Variants in CACNA1E observed in about 807,000 individuals in gnomAD.
The protein encoded by CACNA1E is voltage-dependent R-type calcium channel subunit alpha-1E.
A neutral mutation model predicts 259.2 loss-of-function variants in CACNA1E; 40 were observed. The ratio of observed to expected loss-of-function variants is 0.15; its 90% CI spans 0.12 to 0.20. CACNA1E has a LOEUF of 0.20. Among genes scored for constraint, CACNA1E ranks in the 10% least tolerant of loss-of-function variants. The pLI is 1.00. For synonymous variants in CACNA1E, 1,104 were observed against 1,138.5 expected (o/e 0.97, Z 0.61); for missense variants, 1,874 against 3,040.1 (o/e 0.62, Z 9.02).
chr1:181,796,536 G>C (rs1159747824), intron 46 of CACNA1E, 132 bp from the exon 47 acceptor site: 4 of 582,816 alleles, frequency 6.9e-6, no homozygotes, highest in Non-Finnish European at 1.2e-5. Flanking sequence ...GAATTTGGGG[G>C]GGGACACAAA....
At chr1:181,319,920 C>T (rs571345758) in intron 1 of CACNA1E, among the ~76,000 whole-genome samples, 1 of 152,348 alleles carries the variant, frequency 6.6e-6, no homozygotes, top group South Asian at 2.1e-4. Context: ...TTGATGAACA[C>T]CTTTTTCTCC....
chr1:181,789,678 C>A (rs976242022), intron 43 of CACNA1E, among the ~76,000 whole-genome samples: 1 of 152,218 alleles, frequency 6.6e-6, no homozygotes, highest in African/African-American at 2.4e-5. Flanking sequence ...CTGCTTCTTT[C>A]TCTCCTAACA....
intron 2 of CACNA1E, among the ~76,000 whole-genome samples, chr1:181,424,593 C>A (rs1267811906): frequency 6.6e-6 from 1 of 152,224 alleles, no homozygotes; most frequent in African/African-American, 2.4e-5. Context: ...AAGTGCCTGG[C>A]GACTCTCATC....
Position 181,756,100 on chromosome 1 carries a change from G to A in CACNA1E, c.4127+7G>A. The A allele has an allele frequency of 6.2e-7, 1 of 1,608,766 alleles. No individual in the cohort carries two copies. The highest frequency in any genetic ancestry group is 8.5e-7 in the Non-Finnish European group (1 of 1,176,742). On this transcript the variant is annotated splice_region_variant and intron_variant, in intron 29 of 47. Transcript: ENST00000367573. ...CAGGGGAAGGATGGCCTCAGTGAGT[G>A]ATTGAGTTGTCATGCTTGTCTGTGG...
At chr1:181,606,449 G>C (rs1019356014) in intron 6 of CACNA1E, among the ~76,000 whole-genome samples, 77 of 152,040 alleles carry the variant, frequency 5.1e-4, no homozygotes, top group Non-Finnish European at 9.1e-4. Context: ...TATATCCCCG[G>C]CTGCGCCCAG....
At chr1:181,360,565 G>A (rs1049668996) in intron 1 of CACNA1E, among the ~76,000 whole-genome samples, 1 of 152,190 alleles carries the variant, frequency 6.6e-6, no homozygotes, top group Non-Finnish European at 1.5e-5. Flanking sequence ...CCAGAGACTA[G>A]GGGTGGGGGA....
intron 1 of CACNA1E, among the ~76,000 whole-genome samples, chr1:181,323,700 C>A (rs1281452386): frequency 6.6e-6 from 1 of 152,218 alleles, no homozygotes; most frequent in African/African-American, 2.4e-5. Context: ...AATTGAGTTA[C>A]TCTTGACTTA....
At chr1:181,468,110 C>T (rs1461384297) in intron 2 of CACNA1E, among the ~76,000 whole-genome samples, 1 of 152,198 alleles carries the variant, frequency 6.6e-6, no homozygotes, top group Non-Finnish European at 1.5e-5. Flanking sequence ...TATTACCCAT[C>T]TGTCTAACAG....
intron 2 of CACNA1E, among the ~76,000 whole-genome samples, chr1:181,416,975 C>T (rs573764232): frequency 8.4e-4 from 127 of 151,950 alleles, no homozygotes; most frequent in Non-Finnish European, 1.4e-3. Flanking sequence ...GGTTCCTTAG[C>T]CCCTTCTGTT....
At chr1:181,341,973 C>G (rs1454032085) in intron 1 of CACNA1E, among the ~76,000 whole-genome samples, 1 of 152,174 alleles carries the variant, frequency 6.6e-6, no homozygotes, top group Non-Finnish European at 1.5e-5. Context: ...ACGCTTCCCA[C>G]AGTGACAAGT....
At chr1:181,343,708 G>T (rs1652357023) in intron 1 of CACNA1E, among the ~76,000 whole-genome samples, 1 of 152,212 alleles carries the variant, frequency 6.6e-6, no homozygotes, top group South Asian at 2.1e-4. Flanking sequence ...CTTTCTGACT[G>T]GCTAGTTGGC....
chr1:181,534,248 C>T (rs931273570), intron 3 of CACNA1E, among the ~76,000 whole-genome samples: 1 of 152,160 alleles, frequency 6.6e-6, no homozygotes, highest in East Asian at 1.9e-4. Context: ...ATATTTTCAT[C>T]TAATTCATAA....
intron 3 of CACNA1E, among the ~76,000 whole-genome samples, chr1:181,512,490 G>A: frequency 6.6e-6 from 1 of 152,218 alleles, no homozygotes; most frequent in Non-Finnish European, 1.5e-5. Context: ...TGACCAACAG[G>A]AAAGGAGAGA....
At chr1:181,477,084 T>C (rs993098999) in intron 2 of CACNA1E, among the ~76,000 whole-genome samples, 1 of 152,188 alleles carries the variant, frequency 6.6e-6, no homozygotes, top group Non-Finnish European at 1.5e-5. Flanking sequence ...TTCGTGATCC[T>C]AGATACATTG....
rs772462098 is a variant in CACNA1E, at chr1:181,750,495, TGTTC to T, written c.3731+10_3731+13del. 8 of 1,612,444 alleles carry T rather than the reference TGTTC, an allele frequency of 5.0e-6. No individual in the cohort carries two copies. The highest frequency in any genetic ancestry group is 5.1e-6 in the Non-Finnish European group (6 of 1,178,728). Reference sequence around the variant, plus strand: ...CCATAGGAACGCTTTGGGGTAAATATGTTCGATTATCTTTGAAGTAAACGATACA... The same window carrying T: ...CCATAGGAACGCTTTGGGGTAAATATGATTATCTTTGAAGTAAACGATACA... On this transcript the variant is annotated intron_variant, in intron 26 of 47. Coordinates refer to ENST00000367573, the MANE Select transcript of CACNA1E (RefSeq NM_001205293.3).
Position 181,758,603 on chromosome 1 carries a change from C to T in CACNA1E, c.4495-155C>T, listed in dbSNP as rs948657735. Among the ~76,000 whole-genome samples the T allele has an allele frequency of 6.6e-6, 1 of 152,092 alleles. No homozygotes were observed. Among genetic ancestry groups the T allele is most frequent in the Non-Finnish European group, 1.5e-5 (1 of 68,024 alleles). On this transcript the variant is annotated intron_variant, in intron 31 of 47. Transcript: ENST00000367573. The surrounding 1 kb of genome is among the most constrained non-coding windows in gnomAD (Gnocchi z 4.2). Reference sequence around the variant, plus strand: ...GTTTTGTTGGGTAGAATATGTGGTTCTCCTCTCCAGCACTCGAAGTCCATC... The same window carrying T: ...GTTTTGTTGGGTAGAATATGTGGTTTTCCTCTCCAGCACTCGAAGTCCATC...
At chr1:181,561,604 TG>T (rs1352272185) in intron 3 of CACNA1E, among the ~76,000 whole-genome samples, 3 of 152,220 alleles carry the variant, frequency 2.0e-5, no homozygotes, top group African/African-American at 7.2e-5. Flanking sequence ...TCCATGTTGC[TG>T]CATATATCTG....
intron 7 of CACNA1E, among the ~76,000 whole-genome samples, chr1:181,679,615 C>G (rs1353764858): frequency 6.6e-6 from 1 of 152,150 alleles, no homozygotes; most frequent in Non-Finnish European, 1.5e-5. Flanking sequence ...CTCAGGAGGA[C>G]AGAGAGGCCA....
chr1:181,370,854 C>A (rs901872958), intron 1 of CACNA1E, among the ~76,000 whole-genome samples: 3 of 152,278 alleles, frequency 2.0e-5, no homozygotes, highest in African/African-American at 7.2e-5. Flanking sequence ...TTCCAAATTG[C>A]TTTCCACTGT....
Sources: gnomAD v4.1 joint callset for allele counts (sites outside exome capture counted in the v4.1 genomes callset) on GRCh38, gnomAD v4.1.1 for gene constraint, Gnocchi (gnomAD v3.1) non-coding constraint, MANE v1.5 for transcripts, NCBI Gene and HGNC (gene_info 2026-07-23, HGNC 2026-07-21) for gene names.